The following ALOX5AP variants were observed in gnomAD, a reference collection of about 807,000 sequenced individuals.
ALOX5AP encodes the protein arachidonate 5-lipoxygenase activating protein.
Under a neutral mutation model 18.5 loss-of-function variants are expected in ALOX5AP, and 9 were observed. That is an observed-to-expected ratio of 0.49 (90% CI 0.29 to 0.85). The LOEUF is 0.85. Ranked by LOEUF, ALOX5AP falls within the 40% of genes least tolerant of loss-of-function variation. The probability of loss-of-function intolerance (pLI) is 0.08; values close to 1 mark genes in which losing one functional copy is unlikely to be tolerated. For missense variants in ALOX5AP, 172 were observed against 202.5 expected, an observed-to-expected ratio of 0.85 and a Z score of 0.91; for synonymous variants, 81 against 78.6, an observed-to-expected ratio of 1.03 and a Z score of -0.16.
Position 30,745,644 on chromosome 13 carries a change from A to G in ALOX5AP, c.170+1485A>G, listed in dbSNP as rs376056843. Among the ~76,000 whole-genome samples, 436 of 152,366 alleles carry G rather than the reference A, an allele frequency of 2.9e-3. 14 individuals carry two copies. The South Asian group carries it at 0.07, about 25-fold the overall frequency. On this transcript the variant is annotated intron_variant, in intron 2 of 4. Transcript: ENST00000380490. ...TTCTCAGAATCAATTTAAGATGTTT[A>G]AAGGTGTGATTTAAGACATTTTAAA...
At chr13:30,724,845 A>G (rs1283459552) in intron 1 of ALOX5AP, among the ~76,000 whole-genome samples, 1 of 152,202 alleles carries the variant, frequency 6.6e-6, no homozygotes, top group Non-Finnish European at 1.5e-5. Context: ...GCAGACACAA[A>G]TAAGTTGCAA....
chr13:30,742,470 G>A (rs1207732552), intron 1 of ALOX5AP: 1 of 152,262 alleles, frequency 6.6e-6, no homozygotes, highest in Non-Finnish European at 1.5e-5. Context: ...GAAAGTTGCA[G>A]CGTTCTTACC....
intron 3 of ALOX5AP, 46 bp downstream of exon 3, chr13:30,752,168 C>T: frequency 2.5e-6 from 4 of 1,586,314 alleles, no homozygotes; most frequent in East Asian, 2.2e-5. Context: ...TAAAGTGCAT[C>T]TCAAGGAGGT....
intron 1 of ALOX5AP, among the ~76,000 whole-genome samples, chr13:30,718,952 T>A (rs1951571655): frequency 6.6e-6 from 1 of 152,262 alleles, no homozygotes; most frequent in African/African-American, 2.4e-5. Context: ...ATCTTTTGGA[T>A]GTCTTGGCCT....
intron 1 of ALOX5AP, among the ~76,000 whole-genome samples, chr13:30,721,684 A>C (rs556988421): frequency 2.0e-5 from 3 of 152,274 alleles, no homozygotes; most frequent in African/African-American, 7.2e-5. Context: ...TCCATTTGTG[A>C]GACTCCTCCT....
chr13:30,756,388 G>A (rs1475399387), intron 4 of ALOX5AP, among the ~76,000 whole-genome samples: 3 of 152,180 alleles, frequency 2.0e-5, no homozygotes, highest in Admixed American at 2.0e-4. Flanking sequence ...CCTCCTGAGA[G>A]TGAAATGTTT....
At chr13:30,739,590 A>G (rs1951746762) in intron 1 of ALOX5AP, among the ~76,000 whole-genome samples, 1 of 152,118 alleles carries the variant, frequency 6.6e-6, no homozygotes, top group Non-Finnish European at 1.5e-5. Context: ...ATGTGCCACC[A>G]CGCCCAGCTA....
At chr13:30,747,227 A>G (rs1212091402) in intron 2 of ALOX5AP, among the ~76,000 whole-genome samples, 1 of 152,234 alleles carries the variant, frequency 6.6e-6, no homozygotes, top group Non-Finnish European at 1.5e-5. Context: ...CCTAGGCTGG[A>G]GTGCAGTGGC....
chr13:30,741,561 CCAA>C (rs1951765695), intron 1 of ALOX5AP, among the ~76,000 whole-genome samples: 5 of 128,720 alleles, frequency 3.9e-5, no homozygotes, highest in East Asian at 2.6e-4. Context: ...CCCCCACCCC[CCAA>C]CAACTGGCTA....
At chr13:30,749,957 A>G (rs1951838732) in intron 2 of ALOX5AP, among the ~76,000 whole-genome samples, 1 of 152,194 alleles carries the variant, frequency 6.6e-6, no homozygotes, top group African/African-American at 2.4e-5. Context: ...AATGGTTTGC[A>G]TGAGCAGTTT....
intron 1 of ALOX5AP, among the ~76,000 whole-genome samples, chr13:30,723,392 G>T (rs1325935152): frequency 6.6e-6 from 1 of 152,144 alleles, no homozygotes; most frequent in African/African-American, 2.4e-5. Flanking sequence ...TTTCTCCTTT[G>T]TCATAGATAT....
At chr13:30,725,374 C>A (rs760983538) in intron 1 of ALOX5AP, among the ~76,000 whole-genome samples, 1 of 152,240 alleles carries the variant, frequency 6.6e-6, no homozygotes, top group Non-Finnish European at 1.5e-5. Context: ...TAAGATGATT[C>A]ATTCTGACAG....
chr13:30,741,209 G>A (rs570836041), intron 1 of ALOX5AP, among the ~76,000 whole-genome samples: 53 of 133,718 alleles, frequency 4.0e-4, no homozygotes, highest in Middle Eastern at 4.2e-3. Flanking sequence ...TGCAAGCTCC[G>A]CCTCCCGGGT....
At chr13:30,730,875 T>C (rs1311705697), upstream of ALOX5AP, among the ~76,000 whole-genome samples, 1 of 152,220 alleles carries the variant, frequency 6.6e-6, no homozygotes, top group Non-Finnish European at 1.5e-5. Flanking sequence ...GACAAATGGT[T>C]GTCCTTCACA....
At chr13:30,744,364 G>A in intron 2 of ALOX5AP, 1 of 515,386 alleles carries the variant, frequency 1.9e-6, no homozygotes, top group South Asian at 2.2e-5. Context: ...AACAAAGGGA[G>A]TGGGGATATG....
At chr13:30,754,793 G>C (rs1399965732) in intron 3 of ALOX5AP, among the ~76,000 whole-genome samples, 1 of 152,218 alleles carries the variant, frequency 6.6e-6, no homozygotes, top group Non-Finnish European at 1.5e-5. Context: ...CTAGGAAAAA[G>C]ACAGATGTCC....
chr13:30,763,530 A>C (rs565964363), intron 4 of ALOX5AP, among the ~76,000 whole-genome samples: 1 of 152,158 alleles, frequency 6.6e-6, no homozygotes, highest in Non-Finnish European at 1.5e-5. Context: ...CTTCTAACAC[A>C]GTCCTGCATT....
chr13:30,759,226 C>T (rs1261013951), intron 4 of ALOX5AP, among the ~76,000 whole-genome samples: 2 of 152,148 alleles, frequency 1.3e-5, no homozygotes, highest in African/African-American at 4.8e-5. Context: ...TATTACCTAC[C>T]TTCCCTAGCA....
intron 1 of ALOX5AP, among the ~76,000 whole-genome samples, chr13:30,719,639 A>G (rs959402431): frequency 1.3e-5 from 2 of 152,068 alleles, no homozygotes; most frequent in Non-Finnish European, 2.9e-5. Flanking sequence ...TCTCTGTTTA[A>G]TCTATTTTGA....
Sources: allele counts gnomAD v4.1 joint callset (sites outside exome capture counted in the v4.1 genomes callset), GRCh38; gene constraint gnomAD v4.1.1; transcripts MANE v1.5; gene names NCBI Gene and HGNC (gene_info 2026-07-23, HGNC 2026-07-21).